Variants in KIAA0319L observed in about 807,000 individuals in gnomAD.
The protein encoded by KIAA0319L is dyslexia-associated protein KIAA0319-like protein.
Under a neutral mutation model 120.1 loss-of-function variants are expected in KIAA0319L, and 55 were observed. The observed-to-expected ratio is 0.46, with a 90% CI of 0.37 to 0.57. The LOEUF is 0.57. KIAA0319L is among the 20% of genes least tolerant of loss of function. KIAA0319L has a pLI of 0.00. For synonymous variants in KIAA0319L, 398 were observed against 471.9 expected (o/e 0.84, Z 2.03); for missense variants, 1,049 against 1,255.3 (o/e 0.84, Z 2.48).
At chr1:35,517,414 C>G (rs982928143) in intron 2 of KIAA0319L, among the ~76,000 whole-genome samples, 7 of 152,068 alleles carry the variant, frequency 4.6e-5, no homozygotes, top group African/African-American at 9.7e-5. Context: ...AGCCACACAC[C>G]TACGAACATC....
At chr1:35,457,213 T>C (rs1362771402) in intron 9 of KIAA0319L, among the ~76,000 whole-genome samples, 1 of 152,194 alleles carries the variant, frequency 6.6e-6, no homozygotes, top group Non-Finnish European at 1.5e-5. Context: ...GATGCAAGCA[T>C]AGTTCTCTGA....
At chr1:35,444,081 A>T in intron 17 of KIAA0319L, 80 bp downstream of exon 17, 1 of 1,193,980 alleles carries the variant, frequency 8.4e-7, no homozygotes, top group Non-Finnish European at 1.2e-6. Context: ...AAGAAGATGA[A>T]GGCCAAGGAC....
chr1:35,443,104 G>A, intron 17 of KIAA0319L, 76 bp from the exon 18 acceptor site: 1 of 1,569,048 alleles, frequency 6.4e-7, no homozygotes, highest in East Asian at 2.2e-5. Flanking sequence ...AGCCCATGAG[G>A]GCACCAAAGC....
In KIAA0319L at chr1:35,434,471, C is replaced by G. The variant is rs1217331750; in HGVS notation, c.*423G>C. The G allele has an allele frequency of 6.3e-6, 1 of 159,752 alleles. No individual in the cohort carries two copies. The highest frequency in any genetic ancestry group is 6.4e-5 in the Admixed American group (1 of 15,558). The allele number at this position is 159,752 out of a possible 1,614,324, so 9.9% of individuals were successfully genotyped here. A position where few individuals can be genotyped will look rare whatever the true frequency, so the allele number is the denominator to read the frequency against. On this transcript the variant is annotated 3_prime_UTR_variant, in exon 21 of 21. Coordinates refer to ENST00000325722, the MANE Select transcript of KIAA0319L (RefSeq NM_024874.5). ...TGCCCAGCGAGAGGGCGTACTCTAC[C>G]CCAGAGAGGGAAACACCATGCCCAC...
intron 3 of KIAA0319L, among the ~76,000 whole-genome samples, chr1:35,502,552 C>T (rs1645049171): frequency 6.6e-6 from 1 of 151,574 alleles, no homozygotes. Context: ...AGCTCCTTGC[C>T]TCCAATAAAC....
chr1:35,554,628 G>A (rs930203205), intron 1 of KIAA0319L, 109 bp from the exon 2 acceptor site: 3 of 763,720 alleles, frequency 3.9e-6, no homozygotes, highest in African/African-American at 3.6e-5. Flanking sequence ...AAAATTTCAA[G>A]TTTGTCTTTA....
intron 4 of KIAA0319L, 26 bp from the exon 5 acceptor site, chr1:35,474,932 G>A: frequency 8.0e-7 from 1 of 1,248,214 alleles, no homozygotes; most frequent in Non-Finnish European, 1.2e-6. Context: ...ATATACCAGA[G>A]ATAAGAAATA....
At chr1:35,435,280 T>C in intron 20 of KIAA0319L, 199 bp from the exon 21 acceptor site, 2 of 587,842 alleles carry the variant, frequency 3.4e-6, no homozygotes, top group South Asian at 4.1e-5. Context: ...CTAAGGGGTG[T>C]CACAGAGTAC....
intron 14 of KIAA0319L, 28 bp downstream of exon 14, chr1:35,450,330 G>A (rs764131061): frequency 1.9e-6 from 3 of 1,603,052 alleles, no homozygotes; most frequent in Admixed American, 3.4e-5. Context: ...CCACTCCTGT[G>A]TAGCTCTCCA....
At chr1:35,444,749 T>C (rs903235552) in intron 16 of KIAA0319L, among the ~76,000 whole-genome samples, 1 of 152,266 alleles carries the variant, frequency 6.6e-6, no homozygotes, top group African/African-American at 2.4e-5. Context: ...GGTTTGTGAC[T>C]AGTTTACTTG....
chr1:35,456,318 A>G, intron 9 of KIAA0319L, 77 bp from the exon 10 acceptor site: 2 of 969,916 alleles, frequency 2.1e-6, no homozygotes, highest in South Asian at 1.8e-5. Flanking sequence ...ACTGAAAATT[A>G]AGGCTAAGAA....
rs1332574944 is a variant in KIAA0319L, at chr1:35,437,649, C to T, written c.2963-2568G>A. On this transcript the variant is annotated intron_variant, in intron 20 of 20. Transcript: ENST00000325722. This position sits in a 1 kb window ranked among gnomAD's most constrained non-coding sequence, Gnocchi z 4.1. ...ATCAATTCTGATTCTTTGGCCTTTG[C>T]AGCAGCAAACACCGACGGCTGTCCC... Among the ~76,000 whole-genome samples, 2 of 152,184 alleles carry T rather than the reference C, an allele frequency of 1.3e-5. No homozygotes were observed. The highest frequency in any genetic ancestry group is 2.9e-5 in the Non-Finnish European group (2 of 68,044).
chr1:35,551,174 TTTTAC>T (rs1376548734), intron 2 of KIAA0319L, among the ~76,000 whole-genome samples: 1 of 152,156 alleles, frequency 6.6e-6, no homozygotes, highest in Non-Finnish European at 1.5e-5. Context: ...CACTGGATAG[TTTTAC>T]TTTAATTTTC....
chr1:35,550,544 A>C (rs890651990), intron 2 of KIAA0319L, among the ~76,000 whole-genome samples: 2 of 152,218 alleles, frequency 1.3e-5, no homozygotes, highest in Admixed American at 1.3e-4. Context: ...AAATATGAAG[A>C]GATAATAATT....
At chr1:35,464,692 G>A (rs1255597595) in intron 7 of KIAA0319L, among the ~76,000 whole-genome samples, 1 of 152,222 alleles carries the variant, frequency 6.6e-6, no homozygotes, top group Non-Finnish European at 1.5e-5. Context: ...AATGTCTCTA[G>A]GGCATGTGAG....
At position 35,506,029 on chromosome 1, in the gene KIAA0319L, A is replaced by G. The variant is rs1645191654; in HGVS notation, c.666+583T>C. ...CATTTCCCCAAGGAGATCAACAATGAAGAAACATAATAAGCAGAATAAACT... is the reference window on the plus strand; with the variant it reads ...CATTTCCCCAAGGAGATCAACAATGGAGAAACATAATAAGCAGAATAAACT... On this transcript the variant is annotated intron_variant, in intron 3 of 20. Coordinates refer to ENST00000325722, the MANE Select transcript of KIAA0319L (RefSeq NM_024874.5). The surrounding 1 kb of genome is among the most constrained non-coding windows in gnomAD (Gnocchi z 4.0). 1.3e-5 allele frequency among the ~76,000 whole-genome samples: 2 copies of G among 152,218 alleles called. No homozygotes were observed. Among genetic ancestry groups the G allele is most frequent in the Admixed American group, 6.5e-5 (1 of 15,280 alleles).
intron 2 of KIAA0319L, among the ~76,000 whole-genome samples, chr1:35,534,220 T>A (rs1162271463): frequency 6.6e-6 from 1 of 152,220 alleles, no homozygotes; most frequent in Non-Finnish European, 1.5e-5. Context: ...ATGGTGTAGA[T>A]GATTTGCTGA....
intron 3 of KIAA0319L, among the ~76,000 whole-genome samples, chr1:35,497,543 TTTA>T (rs1206418864): frequency 6.6e-6 from 1 of 152,164 alleles, no homozygotes; most frequent in Non-Finnish European, 1.5e-5. Flanking sequence ...TGGTGATGGT[TTTA>T]TAGACATAGA....
chr1:35,444,295 A>G lies in KIAA0319L; in HGVS notation c.2522T>C (p.Met841Thr). 1.2e-6 allele frequency: 2 copies of G among 1,605,666 alleles called. No individual in the cohort carries two copies. Among genetic ancestry groups the G allele is most frequent in the Non-Finnish European group, 1.7e-6 (2 of 1,176,660 alleles). The change falls in exon 17 of 21, where the codon ATG (methionine) becomes ACG (threonine). Residue 841 changes from methionine (M) to threonine (T), a missense_variant. Coordinates refer to ENST00000325722, the MANE Select transcript of KIAA0319L (RefSeq NM_024874.5). ...IQPYTEQSTK[M>T]VFFVQNEPPH... Reference sequence around the variant, plus strand: ...AGGCTCGTTTTGAACAAAAAATACCATTTTGGTGCTGCAGAGACATGCAAC... The same window carrying G: ...AGGCTCGTTTTGAACAAAAAATACCGTTTTGGTGCTGCAGAGACATGCAAC...
Sources: allele counts gnomAD v4.1 joint callset (sites outside exome capture counted in the v4.1 genomes callset), GRCh38; gene constraint gnomAD v4.1.1; non-coding constraint Gnocchi (gnomAD v3.1); transcripts MANE v1.5; gene names NCBI Gene and HGNC (gene_info 2026-07-23, HGNC 2026-07-21).